The following RASSF5 variants were observed in gnomAD, a reference collection of about 807,000 sequenced individuals.
The protein encoded by RASSF5 is ras association domain-containing protein 5.
RASSF5 carries 25 observed loss-of-function variants against 40.5 expected under a neutral mutation model. The ratio of observed to expected loss-of-function variants is 0.62; its 90% CI spans 0.45 to 0.86. The LOEUF (loss-of-function observed/expected upper bound fraction) is 0.86. RASSF5 is among the 40% of genes least tolerant of loss of function. The pLI is 0.00. For missense variants in RASSF5, 521 were observed against 572.8 expected, an observed-to-expected ratio of 0.91 and a Z score of 0.92; for synonymous variants, 246 against 252.4, an observed-to-expected ratio of 0.97 and a Z score of 0.24.
At chr1:206,544,239 C>T (rs1667618594) in intron 2 of RASSF5, 1 of 148,520 alleles carries the variant, frequency 6.7e-6, no homozygotes, top group African/African-American at 2.6e-5. Flanking sequence ...TGTGAGGCTC[C>T]AGCGAGAAGA....
intron 2 of RASSF5, among the ~76,000 whole-genome samples, chr1:206,582,929 G>A (rs141807779): frequency 4.7e-4 from 72 of 152,230 alleles, no homozygotes; most frequent in African/African-American, 1.7e-3. Context: ...AAGCAAATGC[G>A]GCTCTGCTCA....
At chr1:206,569,185 T>C (rs181911767) in intron 2 of RASSF5, among the ~76,000 whole-genome samples, 69 of 152,338 alleles carry the variant, frequency 4.5e-4, no homozygotes, top group African/African-American at 1.6e-3. Flanking sequence ...TTATTTAACG[T>C]GTATTCGCGG....
At chr1:206,522,949 C>T (rs1276458935) in intron 1 of RASSF5, among the ~76,000 whole-genome samples, 2 of 152,036 alleles carry the variant, frequency 1.3e-5, no homozygotes, top group Non-Finnish European at 2.9e-5. Flanking sequence ...AAAAGTAAAG[C>T]TAATTTTAGA....
chr1:206,542,179 A>T (rs1002785742), intron 2 of RASSF5: 1 of 151,928 alleles, frequency 6.6e-6, no homozygotes, highest in Non-Finnish European at 1.5e-5. Flanking sequence ...TATGGTTTGG[A>T]TGTGTGTCCC....
chr1:206,509,465 C>G (rs1431668594), intron 1 of RASSF5, among the ~76,000 whole-genome samples: 1 of 152,258 alleles, frequency 6.6e-6, no homozygotes, highest in Non-Finnish European at 1.5e-5. Flanking sequence ...AGAGGGGCTG[C>G]TGTCCCTTGG....
intron 2 of RASSF5, among the ~76,000 whole-genome samples, chr1:206,545,346 T>G (rs1158789029): frequency 5.4e-3 from 18 of 3,334 alleles, no homozygotes; most frequent in African/African-American, 0.042. Flanking sequence ...ATTTCTTGTG[T>G]TTTTTTTTTT....
intron 2 of RASSF5, among the ~76,000 whole-genome samples, chr1:206,556,372 CAG>C (rs1436026621): frequency 6.6e-6 from 1 of 152,226 alleles, no homozygotes; most frequent in African/African-American, 2.4e-5. Context: ...ATCACTTGCA[CAG>C]AGAGTTGTTC....
chr1:206,582,893 G>T (rs1295862269), intron 2 of RASSF5, among the ~76,000 whole-genome samples: 1 of 152,186 alleles, frequency 6.6e-6, no homozygotes, highest in African/African-American at 2.4e-5. Flanking sequence ...CATCAAAGAA[G>T]CATCTTTTCC....
chr1:206,535,089 G>A lies in RASSF5; in HGVS notation c.458-3083G>A, dbSNP rs374273600. On this transcript the variant is annotated intron_variant, in intron 1 of 5. Transcript: ENST00000579436. This position sits in a 1 kb window ranked among gnomAD's most constrained non-coding sequence, Gnocchi z 5.0. ...TAATTAGCCAGGTGCAGTGGTGGGCGCCTGCAGTACCAGCTACTCAGGAGA... is the reference window on the plus strand; with the variant it reads ...TAATTAGCCAGGTGCAGTGGTGGGCACCTGCAGTACCAGCTACTCAGGAGA... Among the ~76,000 whole-genome samples the A allele has an allele frequency of 2.0e-5, 3 of 152,284 alleles. No homozygotes were observed. The highest frequency in any genetic ancestry group is 2.1e-4 in the South Asian group (1 of 4,826).
At position 206,552,498 on chromosome 1, in the gene RASSF5, C is replaced by T. The variant is rs1667866937; in HGVS notation, c.579+14205C>T. On this transcript the variant is annotated intron_variant, in intron 2 of 5. Coordinates refer to ENST00000579436, the MANE Select transcript of RASSF5 (RefSeq NM_182663.4). The surrounding 1 kb of genome is among the most constrained non-coding windows in gnomAD (Gnocchi z 4.1). ...GGAATGTGGATCGAATTTTGTGCAGCTGTAATGAGGGTTGCTTGATTGCAC... is the reference window on the plus strand; with the variant it reads ...GGAATGTGGATCGAATTTTGTGCAGTTGTAATGAGGGTTGCTTGATTGCAC... Among the ~76,000 whole-genome samples the T allele has an allele frequency of 6.6e-6, 1 of 152,150 alleles. No individual in the cohort carries two copies. Among genetic ancestry groups the T allele is most frequent in the Non-Finnish European group, 1.5e-5 (1 of 68,038 alleles).
In RASSF5 at chr1:206,520,606, C is replaced by CAA. The variant is rs548392441; in HGVS notation, c.457+12562_457+12563dup. 9.6e-3 allele frequency among the ~76,000 whole-genome samples: 1,153 copies of CAA among 119,558 alleles called. 18 individuals carry two copies. The highest frequency in any genetic ancestry group is 0.026 in the African/African-American group (810 of 30,974). 78.4% of individuals were successfully genotyped at this position (119,558 alleles called of 152,430 possible). A position where few individuals can be genotyped will look rare whatever the true frequency, so the allele number is the denominator to read the frequency against. ...CAGTTGACAAAGCAAGACTCCATCT[C>CAA]AAAAAAAAAAAAAAAAGAGAAAAGA... On this transcript the variant is annotated intron_variant, in intron 1 of 5. Coordinates refer to ENST00000579436, the MANE Select transcript of RASSF5 (RefSeq NM_182663.4).
chr1:206,583,500 C>G, intron 3 of RASSF5, 121 bp downstream of exon 3: 1 of 693,388 alleles, frequency 1.4e-6, no homozygotes. Flanking sequence ...TTTCCTCCGG[C>G]CTCCAGAGGC....
At chr1:206,585,333 G>T (rs1553407402) in intron 5 of RASSF5, 38 bp downstream of exon 5, 1 of 1,518,162 alleles carries the variant, frequency 6.6e-7, no homozygotes, top group Non-Finnish European at 9.2e-7. Flanking sequence ...AGGCCTTAGG[G>T]CACCCTGGGT....
chr1:206,511,143 C>T (rs1335003884), intron 1 of RASSF5, among the ~76,000 whole-genome samples: 13 of 152,078 alleles, frequency 8.5e-5, no homozygotes, highest in African/African-American at 2.9e-4. Flanking sequence ...TAAAGAACTC[C>T]TAGTTGTGAG....
rs1206850209 is a variant in RASSF5, at chr1:206,529,678, C to T, written c.458-8494C>T. The T allele has an allele frequency of 4.7e-5, 35 of 749,984 alleles. 1 individual carries two copies. Among genetic ancestry groups the T allele is most frequent in the South Asian group, 2.9e-4 (21 of 73,352 alleles). The allele number at this position is 749,984 out of a possible 1,614,324, so 46.5% of individuals were successfully genotyped here. On this transcript the variant is annotated intron_variant, in intron 1 of 5. Coordinates refer to ENST00000579436, the MANE Select transcript of RASSF5 (RefSeq NM_182663.4). Reference sequence around the variant, plus strand: ...ATCGCCAAATTCAAAAAGGCAAAGGCTAAAGAACTTGCCACTAAACCGGGT... The same window carrying T: ...ATCGCCAAATTCAAAAAGGCAAAGGTTAAAGAACTTGCCACTAAACCGGGT...
intron 2 of RASSF5, among the ~76,000 whole-genome samples, chr1:206,561,106 G>A (rs990824209): frequency 1.3e-5 from 2 of 152,176 alleles, no homozygotes; most frequent in East Asian, 1.9e-4. Flanking sequence ...CTCTGGCACC[G>A]GCCCAGAGCA....
At chr1:206,534,694 G>C (rs1327752484) in intron 1 of RASSF5, among the ~76,000 whole-genome samples, 3 of 152,192 alleles carry the variant, frequency 2.0e-5, no homozygotes, top group Non-Finnish European at 4.4e-5. Flanking sequence ...GGCTGTCTCT[G>C]TTGTTAGTTA....
intron 2 of RASSF5, among the ~76,000 whole-genome samples, chr1:206,580,281 C>T (rs1257757380): frequency 6.6e-6 from 1 of 152,214 alleles, no homozygotes; most frequent in Non-Finnish European, 1.5e-5. Context: ...CCTTTTCTTA[C>T]GGGGAAATGG....
intron 2 of RASSF5, among the ~76,000 whole-genome samples, chr1:206,581,536 T>G (rs1246124782): frequency 1.3e-5 from 2 of 151,634 alleles, no homozygotes; most frequent in African/African-American, 4.9e-5. Flanking sequence ...GAGGCAGAGA[T>G]TGCAGTCAGC....
Sources: allele counts gnomAD v4.1 joint callset (sites outside exome capture counted in the v4.1 genomes callset), GRCh38; gene constraint gnomAD v4.1.1; non-coding constraint Gnocchi (gnomAD v3.1); transcripts MANE v1.5; gene names NCBI Gene and HGNC (gene_info 2026-07-23, HGNC 2026-07-21).